The following PPP4R2 variants were observed in gnomAD, a reference collection of about 807,000 sequenced individuals.
The protein encoded by PPP4R2 is protein phosphatase 4 regulatory subunit 2.
In PPP4R2, 13 loss-of-function variants were observed where a neutral mutation model predicts 47.2. The observed-to-expected ratio is 0.28, with a 90% CI of 0.18 to 0.44. PPP4R2 has a LOEUF of 0.44. Ranked by LOEUF, PPP4R2 falls within the 20% of genes least tolerant of loss-of-function variation. The probability of loss-of-function intolerance (pLI) is 1.00; values close to 1 mark genes in which losing one functional copy is unlikely to be tolerated. For missense variants in PPP4R2, 421 were observed against 491.2 expected, an observed-to-expected ratio of 0.86 and a Z score of 1.35; for synonymous variants, 151 against 163.3, an observed-to-expected ratio of 0.92 and a Z score of 0.57.
chr3:73,026,214 T>A (rs2107264571), intron 2 of PPP4R2, among the ~76,000 whole-genome samples: 1 of 152,326 alleles, frequency 6.6e-6, no homozygotes, highest in East Asian at 1.9e-4. Flanking sequence ...ATTTGTTCCC[T>A]GTGTTTTTCT....
chr3:73,001,587 C>G (rs974224438), intron 2 of PPP4R2, among the ~76,000 whole-genome samples: 2 of 152,112 alleles, frequency 1.3e-5, no homozygotes, highest in African/African-American at 2.4e-5. Context: ...CACACACATG[C>G]ACACTTGCAC....
intron 2 of PPP4R2, among the ~76,000 whole-genome samples, chr3:73,004,416 T>TCA (rs1320588990): frequency 6.6e-6 from 1 of 152,184 alleles, no homozygotes; most frequent in Non-Finnish European, 1.5e-5. Flanking sequence ...TTGAGTGTCT[T>TCA]AAGTTTGTTA....
chr3:73,055,858 G>A (rs1264712571), intron 3 of PPP4R2, among the ~76,000 whole-genome samples: 2 of 151,950 alleles, frequency 1.3e-5, no homozygotes, highest in Admixed American at 6.6e-5. Context: ...CGCCTGCTTC[G>A]GCTTCCCAAA....
At position 73,060,305 on chromosome 3, in the gene PPP4R2, G is replaced by C. The variant is rs58431727; in HGVS notation, c.382-718G>C. ...ATGGCTCATCAGTACTTACTTTTCAGCTCCAGGAGTTGTAATAATTACATT... is the reference window on the plus strand; with the variant it reads ...ATGGCTCATCAGTACTTACTTTTCACCTCCAGGAGTTGTAATAATTACATT... On this transcript the variant is annotated intron_variant, in intron 4 of 8. Transcript: ENST00000356692. Among the ~76,000 whole-genome samples, 963 of 152,284 alleles carry C rather than the reference G, an allele frequency of 6.3e-3. 7 individuals carry two copies. The highest frequency in any genetic ancestry group is 0.022 in the African/African-American group (911 of 41,554).
intron 2 of PPP4R2, among the ~76,000 whole-genome samples, chr3:73,028,266 A>C (rs1702105663): frequency 6.6e-6 from 1 of 151,802 alleles, no homozygotes; most frequent in Non-Finnish European, 1.5e-5. Flanking sequence ...CAAAAAAAAA[A>C]AAAAAAAAAG....
intron 2 of PPP4R2, among the ~76,000 whole-genome samples, chr3:73,020,796 G>A (rs929034690): frequency 1.3e-5 from 2 of 152,032 alleles, no homozygotes; most frequent in Non-Finnish European, 2.9e-5. Context: ...CTAAAGTGCT[G>A]GGATTATAGG....
At chr3:73,012,191 A>C (rs765802693) in intron 2 of PPP4R2, among the ~76,000 whole-genome samples, 2 of 152,222 alleles carry the variant, frequency 1.3e-5, no homozygotes, top group African/African-American at 4.8e-5. Context: ...ATTACTTATA[A>C]TACGTAATAC....
upstream of PPP4R2, chr3:72,996,802 T>A (rs1168002273): frequency 2.7e-6 from 1 of 372,868 alleles, no homozygotes; most frequent in African/African-American, 2.1e-5. Context: ...GTGCGCGCGG[T>A]GACGTACCGG....
intron 2 of PPP4R2, among the ~76,000 whole-genome samples, chr3:73,000,646 A>T (rs1390593153): frequency 6.6e-6 from 1 of 152,202 alleles, no homozygotes; most frequent in Non-Finnish European, 1.5e-5. Context: ...GAAGTTAGGA[A>T]AGATGCCAAG....
At chr3:73,041,967 A>G (rs1702388591) in intron 2 of PPP4R2, among the ~76,000 whole-genome samples, 1 of 152,220 alleles carries the variant, frequency 6.6e-6, no homozygotes, top group South Asian at 2.1e-4. Context: ...TATATTTATT[A>G]GAGATATGAA....
chr3:73,026,821 T>C (rs543525943), intron 2 of PPP4R2, among the ~76,000 whole-genome samples: 1 of 152,306 alleles, frequency 6.6e-6, no homozygotes, highest in African/African-American at 2.4e-5. Flanking sequence ...TGGACAATCC[T>C]GGCCTATACT....
At chr3:73,052,292 C>T (rs1231455933) in intron 3 of PPP4R2, among the ~76,000 whole-genome samples, 1 of 130,336 alleles carries the variant, frequency 7.7e-6, no homozygotes, top group Non-Finnish European at 1.6e-5. Context: ...TACTTTGGAA[C>T]TTTAAAATTT....
chr3:73,016,471 A>G (rs1424051502), intron 2 of PPP4R2, among the ~76,000 whole-genome samples: 1 of 152,158 alleles, frequency 6.6e-6, no homozygotes, highest in Non-Finnish European at 1.5e-5. Flanking sequence ...CAGTAGTGTC[A>G]AGGTTGAGAG....
intron 3 of PPP4R2, among the ~76,000 whole-genome samples, chr3:73,049,431 A>G: frequency 6.6e-6 from 1 of 152,154 alleles, no homozygotes; most frequent in East Asian, 1.9e-4. Flanking sequence ...CCCAGGAGGC[A>G]GAGCCTGCAG....
At chr3:73,030,640 G>A (rs1293728821) in intron 2 of PPP4R2, among the ~76,000 whole-genome samples, 3 of 150,542 alleles carry the variant, frequency 2.0e-5, no homozygotes, top group African/African-American at 4.9e-5. Flanking sequence ...TTACAGTGAA[G>A]CCAGAGAAGG....
intron 2 of PPP4R2, chr3:73,027,923 T>TTA (rs1553647495): frequency 6.7e-6 from 1 of 150,126 alleles, no homozygotes; most frequent in African/African-American, 2.5e-5. Context: ...TTTTTTTTTT[T>TTA]ATGAGTGAAT....
At chr3:73,009,823 A>T (rs970287407) in intron 2 of PPP4R2, among the ~76,000 whole-genome samples, 1 of 152,226 alleles carries the variant, frequency 6.6e-6, no homozygotes, top group African/African-American at 2.4e-5. Context: ...GGAAAACATT[A>T]TATGTTGAGA....
rs1039821960 is a variant in PPP4R2, at chr3:73,063,999, A to G, written c.495-4A>G. The G allele has an allele frequency of 2.5e-6, 4 of 1,581,462 alleles. No homozygotes were observed. Among genetic ancestry groups the G allele is most frequent in the Non-Finnish European group, 3.4e-6 (4 of 1,170,012 alleles). On this transcript the variant is annotated splice_region_variant and splice_polypyrimidine_tract_variant and intron_variant, in intron 6 of 8. Transcript: ENST00000356692. The stretch of plus-strand genomic sequence containing the variant: ...GGAAATGATGTTCATTTATCTTATT[A>G]TAGGTCTAATATAAATGGGCCTGGG...
At chr3:73,040,053 C>CAAAAGAA (rs902645940) in intron 2 of PPP4R2, among the ~76,000 whole-genome samples, 1 of 151,692 alleles carries the variant, frequency 6.6e-6, no homozygotes, top group Non-Finnish European at 1.5e-5. Context: ...ACTCTGTCTC[C>CAAAAGAA]AAAAGAAAAA....
Sources: allele counts gnomAD v4.1 joint callset (sites outside exome capture counted in the v4.1 genomes callset), GRCh38; gene constraint gnomAD v4.1.1; transcripts MANE v1.5; gene names NCBI Gene and HGNC (gene_info 2026-07-23, HGNC 2026-07-21).